TRPM7: variants seen among roughly 807,000 people sequenced by gnomAD.
The protein encoded by TRPM7 is LTRPC ion channel family member 7.
Under a neutral mutation model 229.7 loss-of-function variants are expected in TRPM7, and 134 were observed. That is an observed-to-expected ratio of 0.58 (90% CI 0.51 to 0.67). The LOEUF (loss-of-function observed/expected upper bound fraction) is 0.67. TRPM7 is among the 30% of genes least tolerant of loss of function. The probability of loss-of-function intolerance (pLI) is 0.00; values close to 1 mark genes in which losing one functional copy is unlikely to be tolerated. For missense variants in TRPM7, 1,901 were observed against 2,210.0 expected (o/e 0.86, Z 2.80); for synonymous variants, 699 against 715.2 (o/e 0.98, Z 0.36).
intron 3 of TRPM7, among the ~76,000 whole-genome samples, chr15:50,656,380 G>A (rs1460929868): frequency 6.6e-6 from 1 of 151,958 alleles, no homozygotes; most frequent in Admixed American, 6.6e-5. Context: ...GCTTATTGCA[G>A]CCTCAACTTC....
intron 21 of TRPM7, among the ~76,000 whole-genome samples, chr15:50,600,705 G>C (rs1246459662): frequency 6.6e-6 from 1 of 152,196 alleles, no homozygotes; most frequent in Non-Finnish European, 1.5e-5. Context: ...GAAAGGTAAA[G>C]GGGACAATAA....
intron 38 of TRPM7, among the ~76,000 whole-genome samples, chr15:50,568,078 CAAAA>C (rs539803278): frequency 3.3e-5 from 2 of 61,142 alleles, no homozygotes; most frequent in Admixed American, 1.9e-4. Flanking sequence ...GACTCCGTCT[CAAAA>C]AAAAAAAAAA....
At chr15:50,644,749 A>C (rs2061208274) in intron 4 of TRPM7, among the ~76,000 whole-genome samples, 1 of 146,110 alleles carries the variant, frequency 6.8e-6, no homozygotes, top group Non-Finnish European at 1.5e-5. Flanking sequence ...GGGAGCTGAG[A>C]CTGTGCCATT....
At chr15:50,578,537 C>G in intron 31 of TRPM7, 102 bp downstream of exon 31, 1 of 1,168,340 alleles carries the variant, frequency 8.6e-7, no homozygotes, top group Admixed American at 2.0e-5. Context: ...CTTTTTCTAG[C>G]TTGAAGTCTA....
chr15:50,585,223 G>A (rs961987980), intron 28 of TRPM7, among the ~76,000 whole-genome samples: 5 of 151,948 alleles, frequency 3.3e-5, no homozygotes, highest in African/African-American at 7.2e-5. Context: ...CACCGCGCCC[G>A]GCTAATTTTT....
intron 1 of TRPM7, among the ~76,000 whole-genome samples, chr15:50,671,019 G>A (rs1036089760): frequency 1.3e-5 from 2 of 152,000 alleles, no homozygotes; most frequent in African/African-American, 2.4e-5. Context: ...TGGCTAAATC[G>A]AGCTAATTAT....
At position 50,592,079 on chromosome 15, in the gene TRPM7, T is replaced by C. The variant is rs1369245525; in HGVS notation, c.4156A>G (p.Ser1386Gly). 6.2e-7 allele frequency: 1 copy of C among 1,611,988 alleles called. No individual in the cohort carries two copies. Among genetic ancestry groups the C allele is most frequent in the Non-Finnish European group, 8.5e-7 (1 of 1,179,572 alleles). The part of the protein sequence containing the change: ...KIFNKNQKLG[S>G]SSTSIPHLSS... ...AGATGTGGTATGCTAGTAGATGAAC[T>C]GCCTAATTTTTGATTTTTATTAAAT... Residue 1386 changes from serine (S) to glycine (G), a missense_variant, in exon 26 of 39, where the codon AGT (serine) becomes GGT (glycine). Coordinates refer to ENST00000646667, the MANE Select transcript of TRPM7 (RefSeq NM_017672.6).
At position 50,558,326 on chromosome 15, in the gene TRPM7, T is replaced by C. The variant is rs1237741188; in HGVS notation, c.*3352A>G. ...TGGGAAGCTCAGGCGAGAGGATCAC[T>C]TGAGCCCAGGAATTTGAGACCAGCG... is the stretch of plus-strand genomic sequence containing the variant. On this transcript the variant is annotated 3_prime_UTR_variant, in exon 39 of 39. Transcript: ENST00000646667. 6.6e-6 allele frequency: 1 copy of C among 152,386 alleles called. No homozygotes were observed. The highest frequency in any genetic ancestry group is 2.4e-5 in the African/African-American group (1 of 41,460). 9.4% of individuals were successfully genotyped at this position (152,386 alleles called of 1,614,324 possible).
chr15:50,567,962 CCAG>C (rs2053681851), intron 38 of TRPM7, among the ~76,000 whole-genome samples: 1 of 151,626 alleles, frequency 6.6e-6, no homozygotes, highest in African/African-American at 2.4e-5. Context: ...GCCTGTAGTC[CCAG>C]CTACTCGGGA....
At chr15:50,686,194 C>T (rs1007069419) in intron 1 of TRPM7, among the ~76,000 whole-genome samples, 1 of 152,228 alleles carries the variant, frequency 6.6e-6, no homozygotes, top group Non-Finnish European at 1.5e-5. Flanking sequence ...GTAGGCTGAG[C>T]CCTGCGTCGG....
Position 50,575,861 on chromosome 15 carries a change from T to C in TRPM7, c.4669+8A>G. 1 of 1,612,880 alleles carries C rather than the reference T, an allele frequency of 6.2e-7. No homozygotes were observed. The highest frequency in any genetic ancestry group is 8.5e-7 in the Non-Finnish European group (1 of 1,179,390). On this transcript the variant is annotated splice_region_variant and intron_variant, in intron 32 of 38. Coordinates refer to ENST00000646667, the MANE Select transcript of TRPM7 (RefSeq NM_017672.6). ...ATGCTATTAAATTTTGTTTTTAATA[T>C]TACTGACCTGAATAATAGTAATTTG...
At chr15:50,627,068 T>G (rs1567036863) in intron 11 of TRPM7, among the ~76,000 whole-genome samples, 1 of 152,198 alleles carries the variant, frequency 6.6e-6, no homozygotes, top group African/African-American at 2.4e-5. Context: ...TGGTAATACT[T>G]CAAGGTACAG....
intron 1 of TRPM7, among the ~76,000 whole-genome samples, chr15:50,673,808 G>C (rs918962201): frequency 6.6e-6 from 1 of 152,134 alleles, no homozygotes; most frequent in African/African-American, 2.4e-5. Flanking sequence ...TGGGACTGCT[G>C]TATCAAATGG....
chr15:50,661,395 G>A (rs2061719442), intron 2 of TRPM7, among the ~76,000 whole-genome samples: 1 of 152,076 alleles, frequency 6.6e-6, no homozygotes, highest in Non-Finnish European at 1.5e-5. Context: ...TAAAAATAAA[G>A]CCACCAAATG....
intron 5 of TRPM7, among the ~76,000 whole-genome samples, chr15:50,640,570 A>C (rs924803723): frequency 2.0e-5 from 3 of 151,730 alleles, no homozygotes; most frequent in African/African-American, 7.3e-5. Flanking sequence ...ATAGGCATGA[A>C]CCACCATGCC....
intron 27 of TRPM7, among the ~76,000 whole-genome samples, chr15:50,587,001 C>A (rs936338536): frequency 6.6e-6 from 1 of 151,978 alleles, no homozygotes; most frequent in Non-Finnish European, 1.5e-5. Context: ...GCTGGCAGAA[C>A]GAGACTCCGT....
At chr15:50,642,576 G>A (rs973577385) in intron 5 of TRPM7, among the ~76,000 whole-genome samples, 10 of 152,230 alleles carry the variant, frequency 6.6e-5, no homozygotes, top group African/African-American at 1.9e-4. Context: ...CCCTCTTCGC[G>A]TGGCACTTCT....
At chr15:50,590,540 C>T (rs189353151) in intron 26 of TRPM7, among the ~76,000 whole-genome samples, 2 of 152,172 alleles carry the variant, frequency 1.3e-5, no homozygotes, top group Non-Finnish European at 2.9e-5. Flanking sequence ...ATATGGAATT[C>T]ACTCTAGATA....
chr15:50,679,538 ATT>A lies in TRPM7; in HGVS notation c.3+6991_3+6992del, dbSNP rs58783893. On this transcript the variant is annotated intron_variant, in intron 1 of 38. Transcript: ENST00000646667. ...TATATATATATATATATATATATAT[ATT>A]TTTTTTTTTTTTTGAGACAGAGTCT... is the stretch of plus-strand genomic sequence containing the variant. Among the ~76,000 whole-genome samples, 175 of 43,880 alleles carry A rather than the reference ATT, an allele frequency of 4.0e-3. 2 individuals carry two copies. The East Asian group carries it at 0.042, about 11-fold the overall frequency. 28.8% of individuals were successfully genotyped at this position (43,880 alleles called of 152,430 possible).
Sources: gnomAD v4.1 joint callset for allele counts (sites outside exome capture counted in the v4.1 genomes callset) on GRCh38, gnomAD v4.1.1 for gene constraint, MANE v1.5 for transcripts, NCBI Gene and HGNC (gene_info 2026-07-23, HGNC 2026-07-21) for gene names.